Variants in ACSL3 observed in about 807,000 individuals in gnomAD.
ACSL3 encodes acyl-CoA synthetase long chain family member 3.
Under a neutral mutation model 84.7 loss-of-function variants are expected in ACSL3, and 34 were observed. The observed-to-expected ratio is 0.40, with a 90% CI of 0.31 to 0.53. The LOEUF (loss-of-function observed/expected upper bound fraction) is 0.53, where lower values mean the gene tolerates loss of function less well. Among genes scored for constraint, ACSL3 ranks in the 20% least tolerant of loss-of-function variants. The pLI is 0.48. For synonymous variants in ACSL3, 315 were observed against 299.4 expected, an observed-to-expected ratio of 1.05 and a Z score of -0.54; for missense variants, 680 against 873.1, an observed-to-expected ratio of 0.78 and a Z score of 2.79.
chr2:222,931,779 C>T (rs552184014), intron 14 of ACSL3, among the ~76,000 whole-genome samples: 4 of 152,324 alleles, frequency 2.6e-5, no homozygotes, highest in Admixed American at 1.3e-4. Flanking sequence ...CCCCTCTTCA[C>T]CTTCATCGTC....
At chr2:222,891,515 TTTTTATC>T (rs1390052576) in intron 2 of ACSL3, among the ~76,000 whole-genome samples, 1 of 152,186 alleles carries the variant, frequency 6.6e-6, no homozygotes, top group Non-Finnish European at 1.5e-5. Flanking sequence ...TTCCTGTTGA[TTTTTATC>T]TAGAAGAGGG....
chr2:222,898,681 GC>G (rs1696055800), intron 2 of ACSL3, among the ~76,000 whole-genome samples: 1 of 152,186 alleles, frequency 6.6e-6, no homozygotes, highest in African/African-American at 2.4e-5. Flanking sequence ...AACAAAATTA[GC>G]CGGGCGCAGT....
chr2:222,873,051 A>G (rs1020687539), intron 1 of ACSL3, among the ~76,000 whole-genome samples: 4 of 152,224 alleles, frequency 2.6e-5, no homozygotes, highest in Non-Finnish European at 5.9e-5. Flanking sequence ...GACTGTGCCA[A>G]CTAGTTAGCA....
chr2:222,909,538 T>A (rs1044285467), intron 4 of ACSL3: 4 of 166,880 alleles, frequency 2.4e-5, no homozygotes, highest in African/African-American at 9.6e-5. Flanking sequence ...TTCATGTCTT[T>A]GTACTTTGGC....
intron 4 of ACSL3, among the ~76,000 whole-genome samples, chr2:222,913,357 C>G (rs1559293848): frequency 6.6e-6 from 1 of 152,136 alleles, no homozygotes; most frequent in African/African-American, 2.4e-5. Context: ...TTTATTAGGA[C>G]ATTTGCATCA....
At chr2:222,863,391 T>C (rs998503902) in intron 1 of ACSL3, among the ~76,000 whole-genome samples, 38 of 152,356 alleles carry the variant, frequency 2.5e-4, no homozygotes, top group African/African-American at 8.9e-4. Context: ...ACAATAATTC[T>C]TTTCATTGCA....
At chr2:222,911,754 T>C (rs1037337289) in intron 4 of ACSL3, among the ~76,000 whole-genome samples, 1 of 152,234 alleles carries the variant, frequency 6.6e-6, no homozygotes, top group Admixed American at 6.5e-5. Context: ...CAAAATAAAA[T>C]CCTAGAGCTA....
chr2:222,912,451 A>G (rs145134871), intron 4 of ACSL3, among the ~76,000 whole-genome samples: 3 of 152,340 alleles, frequency 2.0e-5, no homozygotes, highest in East Asian at 1.9e-4. Flanking sequence ...CTGCTAGCTG[A>G]TCAAGCTCAG....
chr2:222,927,278 G>C (rs1696909038), intron 12 of ACSL3, 89 bp downstream of exon 12: 1 of 1,353,666 alleles, frequency 7.4e-7, no homozygotes, highest in African/African-American at 1.4e-5. Flanking sequence ...TAGGAGAAGA[G>C]TAGTAAGGTG....
At chr2:222,908,309 G>A (rs1481679261) in intron 3 of ACSL3, among the ~76,000 whole-genome samples, 1 of 152,178 alleles carries the variant, frequency 6.6e-6, no homozygotes, top group African/African-American at 2.4e-5. Flanking sequence ...GGGAAGGAAT[G>A]TGGTGATTAT....
At chr2:222,939,743 C>A (rs1697257438) in intron 16 of ACSL3, among the ~76,000 whole-genome samples, 1 of 152,080 alleles carries the variant, frequency 6.6e-6, no homozygotes, top group South Asian at 2.1e-4. Context: ...GTAGGAACTT[C>A]TTAAGTGGTT....
chr2:222,896,464 C>T (rs1462723901), intron 2 of ACSL3, among the ~76,000 whole-genome samples: 1 of 22,482 alleles, frequency 4.4e-5, no homozygotes, highest in African/African-American at 1.4e-4. Flanking sequence ...GGCGGCTGGC[C>T]GGGCGGGGGG....
At chr2:222,898,083 C>G (rs923754654) in intron 2 of ACSL3, among the ~76,000 whole-genome samples, 1 of 152,170 alleles carries the variant, frequency 6.6e-6, no homozygotes, top group Non-Finnish European at 1.5e-5. Context: ...TTCACATTAT[C>G]AAAACCAGTG....
intron 4 of ACSL3, among the ~76,000 whole-genome samples, chr2:222,914,370 C>G (rs1051223225): frequency 6.6e-6 from 1 of 151,676 alleles, no homozygotes; most frequent in Non-Finnish European, 1.5e-5. Flanking sequence ...GTCAGGTGAT[C>G]CTTTTGCCTC....
chr2:222,877,363 A>G (rs1199009852), intron 1 of ACSL3, among the ~76,000 whole-genome samples: 3 of 152,188 alleles, frequency 2.0e-5, no homozygotes, highest in African/African-American at 4.8e-5. Context: ...GGTGGAGCAG[A>G]TGATAGCCCA....
chr2:222,884,829 A>G (rs1337002718), intron 1 of ACSL3, among the ~76,000 whole-genome samples: 1 of 152,136 alleles, frequency 6.6e-6, no homozygotes. Context: ...TCGCGTTTAC[A>G]AATAATTGTT....
intron 11 of ACSL3, among the ~76,000 whole-genome samples, chr2:222,925,088 G>C (rs1022616354): frequency 1.3e-5 from 2 of 151,426 alleles, no homozygotes; most frequent in African/African-American, 4.9e-5. Context: ...TGTAATCCCA[G>C]TGCTTTGGGA....
intron 2 of ACSL3, among the ~76,000 whole-genome samples, chr2:222,890,165 G>T (rs1350427900): frequency 6.6e-6 from 1 of 152,072 alleles, no homozygotes; most frequent in Non-Finnish European, 1.5e-5. Context: ...ATACTTTTAA[G>T]TTCTAATTAT....
chr2:222,928,801 A>G, intron 12 of ACSL3, 61 bp from the exon 13 acceptor site: 1 of 1,341,474 alleles, frequency 7.5e-7, no homozygotes, highest in South Asian at 1.2e-5. Context: ...GGTAATTTAG[A>G]AAAATGAAGC....
Sources: allele counts gnomAD v4.1 joint callset (sites outside exome capture counted in the v4.1 genomes callset), GRCh38; gene constraint gnomAD v4.1.1; transcripts MANE v1.5; gene names NCBI Gene and HGNC (gene_info 2026-07-23, HGNC 2026-07-21).